Variants in KIAA1328 observed in about 807,000 individuals in gnomAD.
The protein encoded by KIAA1328 is KIAA1328.
Under a neutral mutation model 68.1 loss-of-function variants are expected in KIAA1328, and 52 were observed. The observed-to-expected ratio is 0.76, with a 90% CI of 0.61 to 0.96. The LOEUF (loss-of-function observed/expected upper bound fraction) is 0.96, where lower values mean the gene tolerates loss of function less well. Ranked by LOEUF, KIAA1328 falls within the 40% of genes least tolerant of loss-of-function variation. KIAA1328 has a pLI of 0.00. For missense variants in KIAA1328, 641 were observed against 677.6 expected (o/e 0.95, Z 0.60); for synonymous variants, 232 against 239.4 (o/e 0.97, Z 0.28).
At chr18:37,162,589 C>T (rs1478214397) in intron 8 of KIAA1328, among the ~76,000 whole-genome samples, 6 of 152,162 alleles carry the variant, frequency 3.9e-5, no homozygotes, top group African/African-American at 1.4e-4. Context: ...CATGGATGCA[C>T]AGTAGACTTG....
In KIAA1328 at chr18:36,835,251, A is replaced by G. The variant is rs763030220; in HGVS notation, c.112A>G (p.Asn38Asp). 1.2e-6 allele frequency: 2 copies of G among 1,611,510 alleles called. No individual in the cohort carries two copies. Among genetic ancestry groups the G allele is most frequent in the East Asian group, 4.5e-5 (2 of 44,804 alleles). ...VYVPGISAEG[N>D]VRSRHKLMSP... ...ATCCTTAGGAATTTCTGCTGAAGGAAATGTCAGATCAAGACACAAGCTGAT... is the reference window on the plus strand; with the variant it reads ...ATCCTTAGGAATTTCTGCTGAAGGAGATGTCAGATCAAGACACAAGCTGAT... The change falls in exon 3 of 10, where the codon AAT (asparagine) becomes GAT (aspartate). Residue 38 changes from asparagine (N) to aspartate (D), a missense_variant. Transcript: ENST00000280020.
At chr18:37,033,756 C>T (rs1461115853) in intron 6 of KIAA1328, among the ~76,000 whole-genome samples, 2 of 152,170 alleles carry the variant, frequency 1.3e-5, no homozygotes, top group East Asian at 1.9e-4. Context: ...TTTCTGGCCA[C>T]CTCAACCTCC....
At chr18:37,119,278 A>G (rs941481606) in intron 7 of KIAA1328, among the ~76,000 whole-genome samples, 3 of 152,180 alleles carry the variant, frequency 2.0e-5, no homozygotes, top group Non-Finnish European at 2.9e-5. Flanking sequence ...ATAAAGCTTG[A>G]ATGAATGCTG....
At chr18:36,860,903 A>G (rs1266835883) in intron 4 of KIAA1328, among the ~76,000 whole-genome samples, 1 of 152,144 alleles carries the variant, frequency 6.6e-6, no homozygotes, top group Non-Finnish European at 1.5e-5. Context: ...AAAAAATCTC[A>G]ATAAGCTATT....
chr18:37,188,123 A>T (rs1007207785), intron 9 of KIAA1328, among the ~76,000 whole-genome samples: 1 of 152,216 alleles, frequency 6.6e-6, no homozygotes, highest in African/African-American at 2.4e-5. Flanking sequence ...AATGCATTTA[A>T]GTGTTCTCCA....
intron 6 of KIAA1328, among the ~76,000 whole-genome samples, chr18:36,994,983 T>C (rs2053333390): frequency 6.6e-6 from 1 of 151,628 alleles, no homozygotes; most frequent in Non-Finnish European, 1.5e-5. Flanking sequence ...ATACTTTAAG[T>C]TCTGGGGTAC....
intron 8 of KIAA1328, among the ~76,000 whole-genome samples, chr18:37,160,931 T>A (rs1219317937): frequency 6.6e-6 from 1 of 152,202 alleles, no homozygotes; most frequent in Non-Finnish European, 1.5e-5. Context: ...ATGTTAAATG[T>A]TGAGTGAAGC....
At chr18:37,143,521 C>CTTTTTTTTTTTTTTTTTTTTTTTTTTTTT (rs57046567) in intron 7 of KIAA1328, among the ~76,000 whole-genome samples, 2 of 90,778 alleles carry the variant, frequency 2.2e-5, no homozygotes, top group Non-Finnish European at 4.0e-5. Flanking sequence ...TTTTTTCTTT[C>CTTTTTTTTTTTTTTTTTTTTTTTTTTTTT]TTTTTTTTTT....
intron 5 of KIAA1328, among the ~76,000 whole-genome samples, chr18:36,943,779 T>C (rs1302247859): frequency 6.6e-6 from 1 of 152,198 alleles, no homozygotes; most frequent in Non-Finnish European, 1.5e-5. Flanking sequence ...TTATTATATA[T>C]AGGTTATCCT....
intron 7 of KIAA1328, among the ~76,000 whole-genome samples, chr18:37,077,691 G>GCCAA (rs2056792318): frequency 8.5e-6 from 1 of 118,112 alleles, no homozygotes; most frequent in Non-Finnish European, 1.7e-5. Context: ...ACCAGTAACA[G>GCCAA]ACAGAGAGCC....
rs761416952 is a variant in KIAA1328, at chr18:36,973,812, T to TACACACAC, written c.576+14387_576+14394dup. 2.8e-3 allele frequency among the ~76,000 whole-genome samples: 292 copies of TACACACAC among 103,674 alleles called. 4 individuals are homozygous for TACACACAC. The highest frequency in any genetic ancestry group is 0.023 in the Middle Eastern group (5 of 214). 68.0% of individuals were successfully genotyped at this position (103,674 alleles called of 152,430 possible). ...TTATATATAATTGTGTGTACGCACA[T>TACACACAC]ACACACACACACACACATACACACA... On this transcript the variant is annotated intron_variant, in intron 6 of 9. Coordinates refer to ENST00000280020, the MANE Select transcript of KIAA1328 (RefSeq NM_020776.3).
At chr18:36,979,954 A>G (rs1266548015) in intron 6 of KIAA1328, among the ~76,000 whole-genome samples, 1 of 152,146 alleles carries the variant, frequency 6.6e-6, no homozygotes, top group Non-Finnish European at 1.5e-5. Context: ...TTAGGTCATG[A>G]GGGTCTCACC....
intron 7 of KIAA1328, among the ~76,000 whole-genome samples, chr18:37,079,624 C>T (rs1190218481): frequency 1.3e-5 from 2 of 152,038 alleles, no homozygotes; most frequent in Admixed American, 6.6e-5. Flanking sequence ...TGTGGTGGCT[C>T]ATGCCTGTAA....
At chr18:37,207,479 C>T (rs1475449307) in intron 9 of KIAA1328, among the ~76,000 whole-genome samples, 1 of 152,138 alleles carries the variant, frequency 6.6e-6, no homozygotes, top group Non-Finnish European at 1.5e-5. Flanking sequence ...TGACCAAGGT[C>T]ATGTATATGT....
At chr18:36,981,027 G>C (rs2052663066) in intron 6 of KIAA1328, among the ~76,000 whole-genome samples, 1 of 152,120 alleles carries the variant, frequency 6.6e-6, no homozygotes, top group Admixed American at 6.6e-5. Context: ...CAACTAACAA[G>C]GAAAACTTAA....
chr18:37,078,633 GA>G (rs1452983403), intron 7 of KIAA1328, among the ~76,000 whole-genome samples: 1 of 146,002 alleles, frequency 6.8e-6, no homozygotes, highest in East Asian at 2.0e-4. Context: ...AAATTTACAA[GA>G]AAAAAACAAA....
intron 9 of KIAA1328, among the ~76,000 whole-genome samples, chr18:37,192,263 T>A (rs2059920952): frequency 6.6e-6 from 1 of 151,998 alleles, no homozygotes; most frequent in Non-Finnish European, 1.5e-5. Context: ...GTATTAAAGG[T>A]TATAAAGTCC....
chr18:37,158,587 A>C (rs2059208169), intron 7 of KIAA1328, among the ~76,000 whole-genome samples: 1 of 152,162 alleles, frequency 6.6e-6, no homozygotes, highest in Non-Finnish European at 1.5e-5. Context: ...TTGAGACATG[A>C]AGAGAGGAAT....
At chr18:36,930,016 A>T (rs1259077856) in intron 5 of KIAA1328, among the ~76,000 whole-genome samples, 1 of 152,074 alleles carries the variant, frequency 6.6e-6, no homozygotes, top group Middle Eastern at 3.2e-3. Context: ...CACATGTACT[A>T]CTGAGAAGGA....
Sources: gnomAD v4.1 joint callset for allele counts (sites outside exome capture counted in the v4.1 genomes callset) on GRCh38, gnomAD v4.1.1 for gene constraint, MANE v1.5 for transcripts, NCBI Gene and HGNC (gene_info 2026-07-23, HGNC 2026-07-21) for gene names.